Variants in DCAF5 observed in about 807,000 individuals in gnomAD.
DCAF5 encodes the protein DDB1 and CUL4 associated factor 5, also known as DDB1- and CUL4-associated factor 5.
Under a neutral mutation model 80.7 loss-of-function variants are expected in DCAF5, and 9 were observed. That is an observed-to-expected ratio of 0.11 (90% CI 0.07 to 0.19). DCAF5 has a LOEUF of 0.19. Ranked by LOEUF, DCAF5 falls within the 10% of genes least tolerant of loss-of-function variation. DCAF5 has a pLI of 1.00. For missense variants in DCAF5, 842 were observed against 1,205.7 expected (o/e 0.70, Z 4.47); for synonymous variants, 433 against 461.9 (o/e 0.94, Z 0.80).
In DCAF5 at chr14:69,054,971, T is replaced by A. The variant is rs1472275679; in HGVS notation, c.1715A>T (p.Glu572Val). The change falls in exon 9 of 9, where the codon GAG (glutamate) becomes GTG (valine). Residue 572 changes from glutamate (E) to valine (V), a missense_variant. Physicochemically the swap from Glu to Val is moderately radical, Grantham distance 121. Transcript: ENST00000341516. ...SSSSSSSEDEEELNERRASTW... is the reference protein window; with the variant it reads ...SSSSSSSEDEVELNERRASTW... ...AGAGGCTCGGCGTTCATTCAGCTCC[T>A]CCTCATCCTCAGAGCTGCTAGAGCT... 4 of 1,614,112 alleles carry A rather than the reference T, an allele frequency of 2.5e-6. No individual in the cohort carries two copies. Among genetic ancestry groups the A allele is most frequent in the Non-Finnish European group, 3.4e-6 (4 of 1,180,048 alleles).
chr14:69,115,340 G>A (rs2040508555), intron 5 of DCAF5, among the ~76,000 whole-genome samples: 1 of 152,194 alleles, frequency 6.6e-6, no homozygotes, highest in South Asian at 2.1e-4. Context: ...ACACCGATCT[G>A]CTACAATAGT....
Position 69,053,103 on chromosome 14 carries a change from A to G in DCAF5, c.*754T>C, listed in dbSNP as rs1176551781. On this transcript the variant is annotated 3_prime_UTR_variant, in exon 9 of 9. Transcript: ENST00000341516. ...CTATTTTATGGCCTTCATACAGTACATGTTGCAGCACTGCTCAATTTGCAA... is the reference window on the plus strand; with the variant it reads ...CTATTTTATGGCCTTCATACAGTACGTGTTGCAGCACTGCTCAATTTGCAA... The G allele has an allele frequency of 6.6e-6, 1 of 152,264 alleles. No individual in the cohort carries two copies. The highest frequency in any genetic ancestry group is 1.5e-5 in the Non-Finnish European group (1 of 68,050). The allele number at this position is 152,264 out of a possible 1,614,324, so 9.4% of individuals were successfully genotyped here. A position where few individuals can be genotyped will look rare whatever the true frequency, so the allele number is the denominator to read the frequency against.
Position 69,118,262 on chromosome 14 carries a change from C to T in DCAF5, c.412G>A (p.Val138Met), listed in dbSNP as rs201621919. ...TATACTGCATCTTCATGAGCAAACA[C>T]GTCCAATGTCTCACTGCTGGGAGAT... ...HDVESSETLDVFAHEDAVYGL... is the reference protein window; with the variant it reads ...HDVESSETLDMFAHEDAVYGL... The change falls in exon 4 of 9, where the codon GTG (valine) becomes ATG (methionine). Residue 138 changes from valine to methionine, a missense_variant. Val to Met is a conservative substitution (Grantham distance 21). Transcript: ENST00000341516. The surrounding 1 kb of genome is among the most constrained non-coding windows in gnomAD (Gnocchi z 4.0). 6 of 1,613,780 alleles carry T rather than the reference C, an allele frequency of 3.7e-6. No individual in the cohort carries two copies. The highest frequency in any genetic ancestry group is 4.5e-5 in the East Asian group (2 of 44,874).
At chr14:69,103,192 T>C (rs2040024264) in intron 5 of DCAF5, among the ~76,000 whole-genome samples, 1 of 152,252 alleles carries the variant, frequency 6.6e-6, no homozygotes, top group Non-Finnish European at 1.5e-5. Context: ...AGTAGCATAC[T>C]ATTTGTGTGA....
intron 6 of DCAF5, among the ~76,000 whole-genome samples, chr14:69,075,630 C>T (rs528793083): frequency 2.6e-5 from 4 of 152,154 alleles, no homozygotes; most frequent in Admixed American, 6.6e-5. Flanking sequence ...TACAGGCACA[C>T]GCCACCACGC....
intron 1 of DCAF5, among the ~76,000 whole-genome samples, chr14:69,127,967 C>T (rs545623516): frequency 6.6e-6 from 1 of 152,108 alleles, no homozygotes; most frequent in East Asian, 1.9e-4. Context: ...AGTATTGTTA[C>T]ATCTTTTAGG....
chr14:69,099,405 C>G (rs1174655061), intron 5 of DCAF5, among the ~76,000 whole-genome samples: 16 of 151,812 alleles, frequency 1.1e-4, no homozygotes, highest in Admixed American at 1.1e-3. Context: ...AGCATAAAAT[C>G]AGATAAACAA....
chr14:69,117,491 C>T (rs552464881), intron 4 of DCAF5, among the ~76,000 whole-genome samples: 35 of 152,168 alleles, frequency 2.3e-4, no homozygotes, highest in African/African-American at 6.0e-4. Context: ...CTAAAGGCCA[C>T]GGTGGGTATG....
chr14:69,058,797 T>C (rs1025650877), intron 8 of DCAF5, among the ~76,000 whole-genome samples: 6 of 144,752 alleles, frequency 4.1e-5, no homozygotes, highest in African/African-American at 1.3e-4. Context: ...CACCTAAGCC[T>C]GGGGAGGTTG....
chr14:69,132,842 G>T (rs377235285), intron 1 of DCAF5, among the ~76,000 whole-genome samples: 3 of 152,110 alleles, frequency 2.0e-5, no homozygotes, highest in African/African-American at 7.2e-5. Context: ...TCTCAATGTC[G>T]CCGGCACTTA....
At chr14:69,125,523 G>T (rs1246306383) in intron 1 of DCAF5, among the ~76,000 whole-genome samples, 2 of 152,174 alleles carry the variant, frequency 1.3e-5, no homozygotes, top group Non-Finnish European at 2.9e-5. Flanking sequence ...TATTATAGAA[G>T]ATCTCAAATT....
chr14:69,072,074 T>C (rs2038715088), intron 7 of DCAF5, among the ~76,000 whole-genome samples: 1 of 152,144 alleles, frequency 6.6e-6, no homozygotes, highest in Non-Finnish European at 1.5e-5. Context: ...AAAGTCTTCA[T>C]ATAGATCTGT....
chr14:69,099,082 C>T lies in DCAF5; in HGVS notation c.666-7195G>A, dbSNP rs552312646. The stretch of plus-strand genomic sequence containing the variant: ...CCTGGCCAACATGGTGAAACCCAGT[C>T]TCTACTAAAAATTTAAAAAATTAGC... On this transcript the variant is annotated intron_variant, in intron 5 of 8. Coordinates refer to ENST00000341516, the MANE Select transcript of DCAF5 (RefSeq NM_003861.3). Among the ~76,000 whole-genome samples the T allele has an allele frequency of 1.2e-3, 189 of 151,920 alleles. 1 individual carries two copies. The highest frequency in any genetic ancestry group is 4.3e-3 in the African/African-American group (180 of 41,450).
intron 5 of DCAF5, among the ~76,000 whole-genome samples, chr14:69,096,312 A>T (rs2039712972): frequency 6.6e-6 from 1 of 152,246 alleles, no homozygotes; most frequent in Admixed American, 6.5e-5. Context: ...TCGGACAACC[A>T]ACCCAAGGAA....
At chr14:69,116,245 T>C in intron 5 of DCAF5, 121 bp downstream of exon 5, 1 of 1,242,298 alleles carries the variant, frequency 8.0e-7, no homozygotes, top group Non-Finnish European at 1.1e-6. Context: ...ACTATATATC[T>C]TAAGAAATGC....
chr14:69,072,609 C>G (rs992977388), intron 7 of DCAF5, among the ~76,000 whole-genome samples: 2 of 113,778 alleles, frequency 1.8e-5, no homozygotes, highest in South Asian at 5.5e-4. Flanking sequence ...GGCAACATAG[C>G]GAGACCCTGA....
intron 6 of DCAF5, among the ~76,000 whole-genome samples, chr14:69,086,929 C>T (rs2039350655): frequency 6.6e-6 from 1 of 152,216 alleles, no homozygotes; most frequent in Non-Finnish European, 1.5e-5. Context: ...CGCCAGTGCT[C>T]AGCCTTTTCA....
intron 8 of DCAF5, among the ~76,000 whole-genome samples, chr14:69,058,824 T>C (rs1280486879): frequency 6.8e-6 from 1 of 146,818 alleles, no homozygotes; most frequent in Non-Finnish European, 1.5e-5. Context: ...CAGTGAGCCA[T>C]GATCGTGCCA....
At chr14:69,092,211 A>C (rs1594980836) in intron 5 of DCAF5, among the ~76,000 whole-genome samples, 2 of 152,220 alleles carry the variant, frequency 1.3e-5, no homozygotes, top group Admixed American at 1.3e-4. Context: ...CACAACCAAA[A>C]GCATACTCGT....
Sources: allele counts gnomAD v4.1 joint callset (sites outside exome capture counted in the v4.1 genomes callset), GRCh38; gene constraint gnomAD v4.1.1; non-coding constraint Gnocchi (gnomAD v3.1); transcripts MANE v1.5; gene names NCBI Gene and HGNC (gene_info 2026-07-23, HGNC 2026-07-21).